Variants in PRKD3 observed in about 807,000 individuals in gnomAD.
The protein encoded by PRKD3 is protein kinase D3, also known as serine/threonine-protein kinase D3.
PRKD3 carries 47 observed loss-of-function variants against 99.2 expected under a neutral mutation model. The observed-to-expected ratio is 0.47, with a 90% confidence interval of 0.38 to 0.60. PRKD3 has a LOEUF of 0.60. Ranked by LOEUF, PRKD3 falls within the 20% of genes least tolerant of loss-of-function variation. PRKD3 has a pLI of 0.00. For missense variants in PRKD3, 1,019 were observed against 1,088.4 expected, an observed-to-expected ratio of 0.94 and a Z score of 0.90; for synonymous variants, 392 against 355.4, an observed-to-expected ratio of 1.10 and a Z score of -1.16.
chr2:37,267,730 CT>C (rs1668942659), intron 13 of PRKD3, 194 bp from the exon 14 acceptor site: 2 of 505,652 alleles, frequency 4.0e-6, no homozygotes, highest in African/African-American at 4.0e-5. Flanking sequence ...ATATTTGCCC[CT>C]AATAAAGTCA....
intron 2 of PRKD3, among the ~76,000 whole-genome samples, chr2:37,306,004 G>A (rs975072884): frequency 6.6e-6 from 1 of 151,562 alleles, no homozygotes; most frequent in Admixed American, 6.6e-5. Flanking sequence ...CAACCCAGGT[G>A]TCTCTCCTTG....
rs560015692 is a variant in PRKD3, at chr2:37,252,496, G to A, written c.*681C>T. 6.6e-6 allele frequency: 1 copy of A among 152,270 alleles called. No individual in the cohort carries two copies. Among genetic ancestry groups the A allele is most frequent in the Admixed American group, 6.5e-5 (1 of 15,290 alleles). The allele number at this position is 152,270 out of a possible 1,614,324, so 9.4% of individuals were successfully genotyped here. ...GAAGCTGTTGCAACACACAGAAGGT[G>A]ACAATCCTTATGCTGTATAGAACAT... On this transcript the variant is annotated 3_prime_UTR_variant, in exon 19 of 19. Coordinates refer to ENST00000234179, the MANE Select transcript of PRKD3 (RefSeq NM_005813.6).
At chr2:37,264,741 G>C (rs532930824) in intron 14 of PRKD3, among the ~76,000 whole-genome samples, 24 of 151,872 alleles carry the variant, frequency 1.6e-4, no homozygotes, top group East Asian at 7.7e-4. Flanking sequence ...GCTATTTTTG[G>C]GGGGGAAAAA....
At chr2:37,282,280 G>A (rs1669889464) in intron 7 of PRKD3, 2 of 391,408 alleles carry the variant, frequency 5.1e-6, no homozygotes, top group Non-Finnish European at 9.2e-6. Flanking sequence ...GTTCTTTTAT[G>A]TCTAAAAATG....
intron 2 of PRKD3, among the ~76,000 whole-genome samples, chr2:37,308,159 CT>C (rs1012140424): frequency 2.0e-5 from 3 of 152,194 alleles, no homozygotes; most frequent in Non-Finnish European, 4.4e-5. Context: ...ATCAGTTTTT[CT>C]TACCAATACA....
Position 37,316,292 on chromosome 2 carries a change from T to A in PRKD3, c.233A>T (p.Gln78Leu), listed in dbSNP as rs1382049084. The A allele has an allele frequency of 5.0e-6, 8 of 1,614,264 alleles. No homozygotes were observed. The highest frequency in any genetic ancestry group is 6.8e-6 in the Non-Finnish European group (8 of 1,180,052). Residue 78 changes from glutamine to leucine, a missense_variant, in exon 2 of 19, where the codon CAG becomes CTG. Around this residue, in one of 3 missense-constraint regions of PRKD3, gnomAD observed 710 missense variants for 692.7 expected, o/e 1.02. Transcript: ENST00000234179. ...CTTGACAGCAGATAAAGACAGTTCC[T>A]GGGCTTCAATGGTAACACTCTCCCG... is the stretch of plus-strand genomic sequence containing the variant. ...LTRESVTIEA[Q>L]ELSLSAVKDL...
chr2:37,316,248 C>G lies in PRKD3; in HGVS notation c.277G>C (p.Val93Leu), dbSNP rs1195578085. ...SAVKDLVCSI[V>L]YQKFPECGFF... ...AGCACACACAGTACCTTTTGATAAACTATGGAGCACACAAGATCCTTGACA... is the reference window on the plus strand; with the variant it reads ...AGCACACACAGTACCTTTTGATAAAGTATGGAGCACACAAGATCCTTGACA... Residue 93 changes from valine (V) to leucine (L), a missense_variant, in exon 2 of 19, where the codon GTT (valine) becomes CTT (leucine). Transcript: ENST00000234179. The G allele has an allele frequency of 1.9e-6, 3 of 1,612,458 alleles. No individual in the cohort carries two copies.
chr2:37,253,173 G>GT lies in PRKD3; in HGVS notation c.*3dup, dbSNP rs1667649177. On this transcript the variant is annotated 3_prime_UTR_variant, in exon 19 of 19. Coordinates refer to ENST00000234179, the MANE Select transcript of PRKD3 (RefSeq NM_005813.6). Reference sequence around the variant, plus strand: ...ATCCTTCCTTATTTAGGTTAGCTCAGTGATTAAGGATCTTCTTCCATATCA... The same window carrying GT: ...ATCCTTCCTTATTTAGGTTAGCTCAGTTGATTAAGGATCTTCTTCCATATCA... 4 of 1,594,250 alleles carry GT rather than the reference G, an allele frequency of 2.5e-6. No individual in the cohort carries two copies. The African/African-American group carries it at 5.4e-5, about 22-fold the overall frequency.
intron 3 of PRKD3, among the ~76,000 whole-genome samples, chr2:37,292,524 T>G (rs1670480589): frequency 6.6e-6 from 1 of 152,080 alleles, no homozygotes; most frequent in South Asian, 2.1e-4. Context: ...TTTTTTGTAT[T>G]TTTAGTACAG....
At chr2:37,303,355 A>G (rs79911651) in intron 2 of PRKD3, among the ~76,000 whole-genome samples, 1,778 of 152,240 alleles carry the variant, frequency 0.012, 27 homozygotes, top group African/African-American at 0.041. Context: ...AGGCTGTTGC[A>G]TAGGCCCTTT....
At chr2:37,254,158 A>C (rs1344962112) in intron 18 of PRKD3, 46 bp downstream of exon 18, 2 of 1,391,070 alleles carry the variant, frequency 1.4e-6, no homozygotes, top group East Asian at 4.6e-5. Context: ...ATCAGAGTGA[A>C]CTACTCAAAT....
chr2:37,295,801 G>A (rs930655455), intron 2 of PRKD3, among the ~76,000 whole-genome samples: 2 of 152,284 alleles, frequency 1.3e-5, no homozygotes, highest in East Asian at 1.9e-4. Context: ...AGGTTTCAGA[G>A]CAAGGCAGGA....
intron 8 of PRKD3, 94 bp from the exon 9 acceptor site, chr2:37,278,083 C>A (rs1476368285): frequency 3.7e-6 from 4 of 1,091,000 alleles, no homozygotes; most frequent in Admixed American, 3.4e-5. Flanking sequence ...GACAACTGAG[C>A]TAAAATTTTT....
chr2:37,307,759 T>C (rs1175050851), intron 2 of PRKD3, among the ~76,000 whole-genome samples: 1 of 152,182 alleles, frequency 6.6e-6, no homozygotes. Context: ...TCCACCCTAC[T>C]CCACCCTTGG....
chr2:37,312,724 G>A (rs1671490776), intron 2 of PRKD3, among the ~76,000 whole-genome samples: 2 of 152,130 alleles, frequency 1.3e-5, no homozygotes, highest in Non-Finnish European at 2.9e-5. Context: ...TGTTAGCTGT[G>A]AGTACAATGT....
intron 2 of PRKD3, among the ~76,000 whole-genome samples, chr2:37,309,975 T>C (rs1374693811): frequency 1.3e-5 from 2 of 151,966 alleles, no homozygotes; most frequent in Non-Finnish European, 2.9e-5. Context: ...AATCACAGAA[T>C]TGATATACCA....
intron 13 of PRKD3, 163 bp downstream of exon 13, chr2:37,269,452 A>T (rs531342779): frequency 8.5e-5 from 53 of 621,828 alleles, no homozygotes; most frequent in Non-Finnish European, 1.5e-4. Flanking sequence ...AGGGAAGAAT[A>T]CTCAAATTAC....
At chr2:37,255,568 G>C (rs890615489) in intron 17 of PRKD3, among the ~76,000 whole-genome samples, 1 of 152,162 alleles carries the variant, frequency 6.6e-6, no homozygotes, top group Non-Finnish European at 1.5e-5. Context: ...AGGTCCACAG[G>C]AGAGAGGAAA....
At chr2:37,302,854 C>T (rs565433239) in intron 2 of PRKD3, among the ~76,000 whole-genome samples, 2 of 152,102 alleles carry the variant, frequency 1.3e-5, no homozygotes, top group Non-Finnish European at 2.9e-5. Context: ...AAATACTAGG[C>T]AGACAGGGGT....
Sources: allele counts gnomAD v4.1 joint callset (sites outside exome capture counted in the v4.1 genomes callset), GRCh38; gene constraint gnomAD v4.1.1; regional missense constraint gnomAD v4.1.1; transcripts MANE v1.5; gene names NCBI Gene and HGNC (gene_info 2026-07-23, HGNC 2026-07-21).